CFAP299: variants seen among roughly 807,000 people sequenced by gnomAD.
CFAP299 encodes the protein cilia and flagella associated protein 299, also known as cilia- and flagella-associated protein 299.
A neutral mutation model predicts 27.0 loss-of-function variants in CFAP299; 21 were observed. The observed-to-expected ratio is 0.78, with a 90% CI of 0.55 to 1.12. The LOEUF (loss-of-function observed/expected upper bound fraction) is 1.12, where lower values mean the gene tolerates loss of function less well. CFAP299 is among the 50% of genes most tolerant of loss of function. The pLI is 0.00. For synonymous variants in CFAP299, 104 were observed against 98.1 expected, an observed-to-expected ratio of 1.06 and a Z score of -0.36; for missense variants, 310 against 276.6, an observed-to-expected ratio of 1.12 and a Z score of -0.86.
At chr4:80,463,462 A>T (rs1176064910) in intron 2 of CFAP299, among the ~76,000 whole-genome samples, 1 of 152,162 alleles carries the variant, frequency 6.6e-6, no homozygotes. Flanking sequence ...TTCATATATT[A>T]TATGTATTAG....
At chr4:80,942,292 T>C (rs1228135463) in intron 4 of CFAP299, among the ~76,000 whole-genome samples, 1 of 152,176 alleles carries the variant, frequency 6.6e-6, no homozygotes, top group East Asian at 1.9e-4. Context: ...GTACATGCGT[T>C]AGTCAGTGCA....
chr4:80,445,741 A>G (rs1379734284), intron 2 of CFAP299, among the ~76,000 whole-genome samples: 1 of 152,192 alleles, frequency 6.6e-6, no homozygotes, highest in African/African-American at 2.4e-5. Context: ...ATATATTTTT[A>G]TCAGATTAAG....
chr4:80,772,551 T>A (rs1306301734), intron 3 of CFAP299, among the ~76,000 whole-genome samples: 2 of 151,966 alleles, frequency 1.3e-5, no homozygotes, highest in Non-Finnish European at 2.9e-5. Flanking sequence ...AGGCACTATT[T>A]TTTTTTTATT....
At position 80,592,399 on chromosome 4, in the gene CFAP299, C is replaced by A. The variant is rs115936257; in HGVS notation, c.333+9216C>A. On this transcript the variant is annotated intron_variant, in intron 3 of 5. Coordinates refer to ENST00000358105, the MANE Select transcript of CFAP299 (RefSeq NM_152770.3). ...CAGATCTATAAATTGTAAGAAAAAA[C>A]TTCTGGCTGCCTAACCTTAACAAGT... Among the ~76,000 whole-genome samples, 1,450 of 152,248 alleles carry A rather than the reference C, an allele frequency of 9.5e-3. 15 individuals carry two copies. Among genetic ancestry groups the A allele is most frequent in the African/African-American group, 0.033 (1,364 of 41,534 alleles).
chr4:80,447,493 C>A (rs1214498111), intron 2 of CFAP299, among the ~76,000 whole-genome samples: 1 of 151,536 alleles, frequency 6.6e-6, no homozygotes, highest in Admixed American at 6.6e-5. Context: ...AGTGCAGTGG[C>A]GTGATCTCAG....
intron 3 of CFAP299, among the ~76,000 whole-genome samples, chr4:80,663,202 G>A (rs1007167058): frequency 1.3e-5 from 2 of 151,912 alleles, no homozygotes; most frequent in Non-Finnish European, 1.5e-5. Flanking sequence ...TGTTACATAC[G>A]TATACACGTG....
chr4:80,424,361 A>G (rs1337836826), intron 2 of CFAP299, among the ~76,000 whole-genome samples: 1 of 152,178 alleles, frequency 6.6e-6, no homozygotes. Context: ...ATATGACCAG[A>G]AAAGGAATTA....
At chr4:80,836,238 T>C (rs183057256) in intron 3 of CFAP299, among the ~76,000 whole-genome samples, 33 of 152,326 alleles carry the variant, frequency 2.2e-4, no homozygotes, top group Non-Finnish European at 3.4e-4. Flanking sequence ...ACATGTAAAG[T>C]AAGTTATTGA....
intron 3 of CFAP299, 40 bp from the exon 4 acceptor site, chr4:80,869,953 C>T: frequency 1.3e-6 from 2 of 1,559,688 alleles, no homozygotes; most frequent in Middle Eastern, 1.7e-4. Context: ...TAAATCAGCT[C>T]TTTTATATTT....
At chr4:80,707,015 G>A (rs1356364004) in intron 3 of CFAP299, among the ~76,000 whole-genome samples, 1 of 151,900 alleles carries the variant, frequency 6.6e-6, no homozygotes, top group Non-Finnish European at 1.5e-5. Context: ...GGCTTTGTAG[G>A]ACTGTTGGAT....
At chr4:80,947,736 A>G (rs941572205) in intron 5 of CFAP299, among the ~76,000 whole-genome samples, 4 of 152,194 alleles carry the variant, frequency 2.6e-5, no homozygotes, top group African/African-American at 9.6e-5. Flanking sequence ...AAATAAGTAG[A>G]AAGACACTTA....
intron 5 of CFAP299, among the ~76,000 whole-genome samples, chr4:80,947,976 C>T (rs151141416): frequency 7.2e-5 from 11 of 152,184 alleles, no homozygotes; most frequent in African/African-American, 2.2e-4. Context: ...TTTTTCTTAG[C>T]AATTTTTATT....
intron 3 of CFAP299, chr4:80,608,197 C>T (rs1168102622): frequency 1.3e-5 from 7 of 552,376 alleles, no homozygotes; most frequent in South Asian, 9.1e-5. Context: ...CAAGTGTTGT[C>T]GAGACTAAGT....
chr4:80,598,192 A>G (rs1330454942), intron 3 of CFAP299, among the ~76,000 whole-genome samples: 2 of 152,190 alleles, frequency 1.3e-5, no homozygotes, highest in Non-Finnish European at 2.9e-5. Context: ...GATAAACAAG[A>G]AGCCTGAGGA....
At chr4:80,865,579 A>G (rs1732672677) in intron 3 of CFAP299, among the ~76,000 whole-genome samples, 1 of 152,168 alleles carries the variant, frequency 6.6e-6, no homozygotes, top group Non-Finnish European at 1.5e-5. Context: ...TAATAATTCC[A>G]ATCGGATTTT....
intron 3 of CFAP299, among the ~76,000 whole-genome samples, chr4:80,728,328 A>G (rs948832064): frequency 5.3e-5 from 8 of 152,206 alleles, no homozygotes; most frequent in Non-Finnish European, 1.0e-4. Flanking sequence ...AGACAAAGAA[A>G]TAATACACTA....
intron 3 of CFAP299, among the ~76,000 whole-genome samples, chr4:80,753,438 T>G (rs1725051284): frequency 2.6e-5 from 4 of 152,160 alleles, no homozygotes; most frequent in Admixed American, 2.6e-4. Context: ...GTCTTTGGCT[T>G]TAGTAGTTTG....
At chr4:80,357,232 G>T (rs551088993) in intron 1 of CFAP299, among the ~76,000 whole-genome samples, 2 of 152,086 alleles carry the variant, frequency 1.3e-5, no homozygotes, top group Non-Finnish European at 2.9e-5. Context: ...TGCTGGATTC[G>T]GTTTGTCAGT....
chr4:80,407,474 T>C (rs1474218997), intron 2 of CFAP299, among the ~76,000 whole-genome samples: 1 of 152,124 alleles, frequency 6.6e-6, no homozygotes, highest in Non-Finnish European at 1.5e-5. Flanking sequence ...TCAAATCTGC[T>C]CCATATGACC....
Sources: allele counts gnomAD v4.1 joint callset (sites outside exome capture counted in the v4.1 genomes callset), GRCh38; gene constraint gnomAD v4.1.1; transcripts MANE v1.5; gene names NCBI Gene and HGNC (gene_info 2026-07-23, HGNC 2026-07-21).